AKAP8L: variants seen among roughly 807,000 people sequenced by gnomAD.
AKAP8L encodes the protein A-kinase anchoring protein 8 like, also known as A-kinase anchor protein 8-like.
Under a neutral mutation model 77.5 loss-of-function variants are expected in AKAP8L, and 34 were observed. The ratio of observed to expected loss-of-function variants is 0.44; its 90% CI spans 0.33 to 0.58. The LOEUF is 0.58. Among genes scored for constraint, AKAP8L ranks in the 20% least tolerant of loss-of-function variants. The pLI, the probability that AKAP8L is intolerant of heterozygous loss-of-function variation, is 0.02. For synonymous variants in AKAP8L, 342 were observed against 340.7 expected (o/e 1.00, Z -0.04); for missense variants, 806 against 887.6 (o/e 0.91, Z 1.17).
In AKAP8L at chr19:15,397,429, G is replaced by C; in HGVS notation, c.1405+91C>G. On this transcript the variant is annotated intron_variant, in intron 11 of 13. Coordinates refer to ENST00000397410, the MANE Select transcript of AKAP8L (RefSeq NM_014371.4). The surrounding 1 kb of genome is among the most constrained non-coding windows in gnomAD (Gnocchi z 4.7). ...AAGGCTGGTCTCCTGACCTTCCCTG[G>C]GGGAACAGAAGGGTGTCCTGACCCT... The C allele has an allele frequency of 6.7e-7, 1 of 1,487,844 alleles. No individual in the cohort carries two copies. Among genetic ancestry groups the C allele is most frequent in the Non-Finnish European group, 9.3e-7 (1 of 1,080,274 alleles). The allele number at this position is 1,487,844 out of a possible 1,614,324, so 92.2% of individuals were successfully genotyped here. A position where few individuals can be genotyped will look rare whatever the true frequency, so the allele number is the denominator to read the frequency against.
In AKAP8L at chr19:15,401,874, G is replaced by A. The variant is rs1967908632; in HGVS notation, c.363-271C>T. 6.6e-6 allele frequency among the ~76,000 whole-genome samples: 1 copy of A among 152,230 alleles called. No individual in the cohort carries two copies. The highest frequency in any genetic ancestry group is 2.4e-5 in the African/African-American group (1 of 41,462). Reference sequence around the variant, plus strand: ...TGGGGTGGAGGCTCTAGTCCAGTGAGTCTCAACAAGGGGCAGAGCTGCTCC... The same window carrying A: ...TGGGGTGGAGGCTCTAGTCCAGTGAATCTCAACAAGGGGCAGAGCTGCTCC... On this transcript the variant is annotated intron_variant, in intron 4 of 13. Coordinates refer to ENST00000397410, the MANE Select transcript of AKAP8L (RefSeq NM_014371.4). The surrounding 1 kb of genome is among the most constrained non-coding windows in gnomAD (Gnocchi z 6.2).
At chr19:15,384,385 C>T (rs1464341299) in intron 12 of AKAP8L, among the ~76,000 whole-genome samples, 2 of 151,400 alleles carry the variant, frequency 1.3e-5, no homozygotes, top group African/African-American at 2.4e-5. Flanking sequence ...CTGCAACCTC[C>T]GCCTCCCAGG....
chr19:15,409,591 T>C (rs757409421), intron 2 of AKAP8L, among the ~76,000 whole-genome samples: 2 of 152,140 alleles, frequency 1.3e-5, no homozygotes, highest in African/African-American at 2.4e-5. Context: ...ACTAAGACAT[T>C]ATCCCTGTTA....
At position 15,401,513 on chromosome 19, in the gene AKAP8L, A is replaced by G. The variant is rs767373844; in HGVS notation, c.453T>C (p.Pro151=). ...GGCCCTCATAGGCCATTTCCATCTC[A>G]GGGTCAAGCTCGCTGTAGTCATAGC... ...RSGYDYSELD[P]EMEMAYEGQY... Residue 151 remains proline (P), a synonymous_variant, in exon 5 of 14, where the codon CCT becomes CCC. Transcript: ENST00000397410. This position sits in a 1 kb window ranked among gnomAD's most constrained non-coding sequence, Gnocchi z 6.2. 60 of 1,613,488 alleles carry G rather than the reference A, an allele frequency of 3.7e-5. No homozygotes were observed. Among genetic ancestry groups the G allele is most frequent in the Admixed American group, 6.7e-5 (4 of 59,990 alleles).
intron 2 of AKAP8L, among the ~76,000 whole-genome samples, chr19:15,409,618 C>T (rs563239031): frequency 3.8e-4 from 58 of 152,286 alleles, no homozygotes; most frequent in Non-Finnish European, 7.8e-4. Flanking sequence ...AAGAGGGCTC[C>T]TTCTCAACAG....
intron 12 of AKAP8L, among the ~76,000 whole-genome samples, chr19:15,384,805 T>G (rs1271749112): frequency 6.6e-6 from 1 of 152,252 alleles, no homozygotes; most frequent in African/African-American, 2.4e-5. Flanking sequence ...ATTCAGCTTT[T>G]CTAAGAGCAT....
At chr19:15,388,638 G>A (rs1009658370) in intron 12 of AKAP8L, among the ~76,000 whole-genome samples, 1 of 152,184 alleles carries the variant, frequency 6.6e-6, no homozygotes, top group African/African-American at 2.4e-5. Flanking sequence ...AACTTGGGCC[G>A]GGTGCGGTGG....
rs1967932034 is a variant in AKAP8L, at chr19:15,403,181, G to A, written c.362+294C>T. On this transcript the variant is annotated intron_variant, in intron 4 of 13. Coordinates refer to ENST00000397410, the MANE Select transcript of AKAP8L (RefSeq NM_014371.4). The surrounding 1 kb of genome is among the most constrained non-coding windows in gnomAD (Gnocchi z 4.3). ...CAAATGGCTGTCCTTGGAGGGAGGG[G>A]TGGCTGAACACTCTGTTTTTGAGGG... 19 of 447,076 alleles carry A rather than the reference G, an allele frequency of 4.2e-5. No homozygotes were observed. Among genetic ancestry groups the A allele is most frequent in the Non-Finnish European group, 7.1e-5 (17 of 240,046 alleles). The allele number at this position is 447,076 out of a possible 1,614,324, so 27.7% of individuals were successfully genotyped here.
intron 4 of AKAP8L, among the ~76,000 whole-genome samples, chr19:15,402,265 C>A (rs1031437136): frequency 1.3e-5 from 2 of 152,168 alleles, no homozygotes; most frequent in African/African-American, 2.4e-5. Flanking sequence ...GGAAGGCAGG[C>A]CAGACCTCCT....
Position 15,401,022 on chromosome 19 carries a change from G to C in AKAP8L, c.838C>G (p.Gln280Glu). The C allele has an allele frequency of 6.2e-7, 1 of 1,613,636 alleles. No individual in the cohort carries two copies. Among genetic ancestry groups the C allele is most frequent in the Non-Finnish European group, 8.5e-7 (1 of 1,179,888 alleles). Reference protein sequence around the residue: ...DFRTKKKKRKQGGSPDEPDSK... With the variant: ...DFRTKKKKRKEGGSPDEPDSK... Reference sequence around the variant, plus strand: ...TCTGGCTCATCAGGACTGCCGCCCTGCTTTCTCTTCTTCTTCTTGGTCTGG... The same window carrying C: ...TCTGGCTCATCAGGACTGCCGCCCTCCTTTCTCTTCTTCTTCTTGGTCTGG... Residue 280 changes from glutamine to glutamate, a missense_variant, in exon 6 of 14, where the codon CAG becomes GAG. Gln to Glu is a conservative substitution (Grantham distance 29, BLOSUM62 2). Transcript: ENST00000397410. The surrounding 1 kb of genome is among the most constrained non-coding windows in gnomAD (Gnocchi z 6.2).
rs145642570 is a variant in AKAP8L, at chr19:15,397,109, A to G, written c.1536+41T>C. ...ACAACCTCCCCAGAGGCCTCACTCA[A>G]TCTACCCACAGGACAGAGGGAGAGC... On this transcript the variant is annotated intron_variant, in intron 12 of 13. Transcript: ENST00000397410. The surrounding 1 kb of genome is among the most constrained non-coding windows in gnomAD (Gnocchi z 4.7). 4.2e-4 allele frequency: 668 copies of G among 1,607,590 alleles called. 1 individual carries two copies. Among genetic ancestry groups the G allele is most frequent in the Non-Finnish European group, 5.3e-4 (621 of 1,175,808 alleles).
chr19:15,384,259 T>C (rs559179948), intron 12 of AKAP8L, among the ~76,000 whole-genome samples: 9 of 151,154 alleles, frequency 6.0e-5, no homozygotes, highest in African/African-American at 1.9e-4. Flanking sequence ...CTTGGAGTAT[T>C]TGCAGTTCTT....
At chr19:15,390,145 G>A (rs931485535) in intron 12 of AKAP8L, among the ~76,000 whole-genome samples, 7 of 152,102 alleles carry the variant, frequency 4.6e-5, no homozygotes, top group Non-Finnish European at 7.4e-5. Flanking sequence ...GCTGGGCACA[G>A]TGGCTCATGC....
In AKAP8L at chr19:15,399,811, G is replaced by A. The variant is rs890618391; in HGVS notation, c.1049-401C>T. On this transcript the variant is annotated intron_variant, in intron 8 of 13. Coordinates refer to ENST00000397410, the MANE Select transcript of AKAP8L (RefSeq NM_014371.4). The surrounding 1 kb of genome is among the most constrained non-coding windows in gnomAD (Gnocchi z 6.1). ...GGCACCGCGGCAACAGTGGGCTGAC[G>A]CTGGATTTGCTGTTAGGTACCTGCT... is the stretch of plus-strand genomic sequence containing the variant. 2.5e-5 allele frequency: 8 copies of A among 316,630 alleles called. No individual in the cohort carries two copies. The highest frequency in any genetic ancestry group is 4.8e-5 in the Non-Finnish European group (8 of 166,576). The allele number at this position is 316,630 out of a possible 1,614,324, so 19.6% of individuals were successfully genotyped here.
Position 15,403,896 on chromosome 19 carries a change from C to A in AKAP8L, c.121+114G>T. 1 of 1,317,258 alleles carries A rather than the reference C, an allele frequency of 7.6e-7. No homozygotes were observed. The highest frequency in any genetic ancestry group is 1.1e-6 in the Non-Finnish European group (1 of 931,286). 81.6% of individuals were successfully genotyped at this position (1,317,258 alleles called of 1,614,324 possible). ...GGCCTCCTGTTAAGGAGTAGGTAACCCCAGAAACATGCCCCCTCCCCACTC... is the reference window on the plus strand; with the variant it reads ...GGCCTCCTGTTAAGGAGTAGGTAACACCAGAAACATGCCCCCTCCCCACTC... On this transcript the variant is annotated intron_variant, in intron 3 of 13. Coordinates refer to ENST00000397410, the MANE Select transcript of AKAP8L (RefSeq NM_014371.4). This position sits in a 1 kb window ranked among gnomAD's most constrained non-coding sequence, Gnocchi z 4.3.
At chr19:15,411,623 CAAAACA>C (rs1238986523) in intron 1 of AKAP8L, among the ~76,000 whole-genome samples, 2 of 151,926 alleles carry the variant, frequency 1.3e-5, no homozygotes, top group Non-Finnish European at 2.9e-5. Context: ...GACCCTGTCT[CAAAACA>C]AAAACAAAAA....
Position 15,399,559 on chromosome 19 carries a change from G to A in AKAP8L, c.1049-149C>T. On this transcript the variant is annotated intron_variant, in intron 8 of 13. Transcript: ENST00000397410. The surrounding 1 kb of genome is among the most constrained non-coding windows in gnomAD (Gnocchi z 6.1). ...AGGCCTCTGGCCATGAGCAGGGCTG[G>A]GTATCCTGGGCTGTGCAGGGAGTGG... is the stretch of plus-strand genomic sequence containing the variant. 2 of 672,146 alleles carry A rather than the reference G, an allele frequency of 3.0e-6. No homozygotes were observed. Among genetic ancestry groups the A allele is most frequent in the Non-Finnish European group, 2.7e-6 (1 of 374,602 alleles). 41.6% of individuals were successfully genotyped at this position (672,146 alleles called of 1,614,324 possible).
intron 12 of AKAP8L, among the ~76,000 whole-genome samples, chr19:15,385,460 C>T (rs1599588778): frequency 6.6e-6 from 1 of 152,090 alleles, no homozygotes; most frequent in South Asian, 2.1e-4. Context: ...GGATTACAGG[C>T]ATGAGCCACC....
At chr19:15,392,927 A>G (rs772271912) in intron 12 of AKAP8L, among the ~76,000 whole-genome samples, 1 of 148,978 alleles carries the variant, frequency 6.7e-6, no homozygotes, top group East Asian at 1.9e-4. Context: ...AATAAAGAAC[A>G]AAGCTTACAC....
Sources: gnomAD v4.1 joint callset for allele counts (sites outside exome capture counted in the v4.1 genomes callset) on GRCh38, gnomAD v4.1.1 for gene constraint, Gnocchi (gnomAD v3.1) non-coding constraint, MANE v1.5 for transcripts, NCBI Gene and HGNC (gene_info 2026-07-23, HGNC 2026-07-21) for gene names.